The following KAT2A variants were observed in gnomAD, a reference collection of about 807,000 sequenced individuals.
KAT2A encodes lysine acetyltransferase 2A.
In KAT2A, 42 loss-of-function variants were observed where a neutral mutation model predicts 95.2. The ratio of observed to expected loss-of-function variants is 0.44; its 90% CI spans 0.34 to 0.57. KAT2A has a LOEUF of 0.57. Ranked by LOEUF, KAT2A falls within the 20% of genes least tolerant of loss-of-function variation. The pLI, the probability that KAT2A is intolerant of heterozygous loss-of-function variation, is 0.01. For missense variants in KAT2A, 784 were observed against 1,126.3 expected, an observed-to-expected ratio of 0.70 and a Z score of 4.35; for synonymous variants, 449 against 448.2, an observed-to-expected ratio of 1.00 and a Z score of -0.02.
chr17:42,116,913 A>C, intron 11 of KAT2A, 122 bp downstream of exon 11: 10 of 1,178,492 alleles, frequency 8.5e-6, no homozygotes, highest in Non-Finnish European at 1.2e-5. Flanking sequence ...GATGTGAGGA[A>C]CGGGCCGCTA....
rs2054271784 is a variant in KAT2A at position 42,117,221 on chromosome 17, T to C, written c.1638-60A>G. Reference sequence around the variant, plus strand: ...TGTCCCCTTCAGGTCCCCAGAGCCCTGGAAGTCTGAGCTGTAGTCAGGGTT... The same window carrying C: ...TGTCCCCTTCAGGTCCCCAGAGCCCCGGAAGTCTGAGCTGTAGTCAGGGTT... On this transcript the variant is annotated intron_variant, in intron 10 of 17. Transcript: ENST00000225916. The surrounding 1 kb of genome is among the most constrained non-coding windows in gnomAD (Gnocchi z 8.9). The C allele has an allele frequency of 5.0e-6, 8 of 1,603,836 alleles. No homozygotes were observed. In the Admixed American group the frequency reaches 1.2e-4, roughly 24 times the overall value.
chr17:42,114,583 G>A lies in KAT2A; in HGVS notation c.2041C>T (p.Arg681Cys), dbSNP rs199513433. Reference protein sequence around the residue: ...QKEIIKKLIERKQAQIRKVYP... With the variant: ...QKEIIKKLIECKQAQIRKVYP... ...ACCTTGCGGATCTGGGCCTGTTTGC[G>A]CTCAATCAGCTTCTTGATGATCTGA... The change falls in exon 14 of 18, where the codon CGC becomes TGC. Residue 681 changes from arginine (R) to cysteine (C), a missense_variant. Coordinates refer to ENST00000225916, the MANE Select transcript of KAT2A (RefSeq NM_021078.3). The surrounding 1 kb of genome is among the most constrained non-coding windows in gnomAD (Gnocchi z 6.0). 61 of 1,613,556 alleles carry A rather than the reference G, an allele frequency of 3.8e-5. No individual in the cohort carries two copies. The highest frequency in any genetic ancestry group is 5.0e-5 in the Admixed American group (3 of 59,972).
In KAT2A at chr17:42,119,747, C is replaced by T; in HGVS notation, c.700-29G>A. 6.4e-7 allele frequency: 1 copy of T among 1,569,076 alleles called. No individual in the cohort carries two copies. Among genetic ancestry groups the T allele is most frequent in the Non-Finnish European group, 8.7e-7 (1 of 1,155,548 alleles). ...AGAAGGGGTGGGTGGGGGATAAAAC[C>T]AGGAATGAGGTGTGAGCAGCCCGCA... On this transcript the variant is annotated intron_variant, in intron 4 of 17. Transcript: ENST00000225916. This position sits in a 1 kb window ranked among gnomAD's most constrained non-coding sequence, Gnocchi z 5.3.
chr17:42,116,423 T>C (rs1439817125), intron 11 of KAT2A, among the ~76,000 whole-genome samples: 2 of 152,230 alleles, frequency 1.3e-5, no homozygotes, highest in Non-Finnish European at 2.9e-5. Flanking sequence ...GCTACTGTAA[T>C]AATGATTAGT....
At chr17:42,118,472 G>GGACT in intron 6 of KAT2A, 69 bp from the exon 7 acceptor site, 1 of 1,103,978 alleles carries the variant, frequency 9.1e-7, no homozygotes, top group Non-Finnish European at 1.4e-6. Context: ...GGCAGCAGAG[G>GGACT]GACTGGAGGC....
rs535423819 is a variant in KAT2A, at chr17:42,113,822, G to A, written c.2341C>T (p.Arg781Trp). The A allele has an allele frequency of 6.3e-6, 10 of 1,597,148 alleles. No individual in the cohort carries two copies. The highest frequency in any genetic ancestry group is 1.4e-5 in the African/African-American group (1 of 73,742). The change falls in exon 18 of 18, where the codon CGG becomes TGG. Residue 781 changes from arginine (R) to tryptophan (W), a missense_variant. Around this residue, in one of 6 missense-constraint regions of KAT2A, gnomAD observed 195 missense variants for 247.1 expected, o/e 0.79. Coordinates refer to ENST00000225916, the MANE Select transcript of KAT2A (RefSeq NM_021078.3). The part of the protein sequence containing the change: ...FPIDLKTMTE[R>W]LRSRYYVTRK... The stretch of plus-strand genomic sequence containing the variant: ...GTCACGTAGTAGCGGCTTCGCAGCC[G>A]CTCAGTCATGGTCTTCAGGTCTGGG...
rs2054310575 is a variant in KAT2A, at chr17:42,119,833, C to A, written c.700-115G>T. On this transcript the variant is annotated intron_variant, in intron 4 of 17. Transcript: ENST00000225916. This position sits in a 1 kb window ranked among gnomAD's most constrained non-coding sequence, Gnocchi z 5.3. ...AGGGACAAGGTTCTCCTTCTCCTCT[C>A]TCTCTCGGGTGCTCTCTATAGAAAA... 9.7e-7 allele frequency: 1 copy of A among 1,030,868 alleles called. No individual in the cohort carries two copies. Among genetic ancestry groups the A allele is most frequent in the African/African-American group, 1.6e-5 (1 of 61,966 alleles). The allele number at this position is 1,030,868 out of a possible 1,614,324, so 63.9% of individuals were successfully genotyped here. A position where few individuals can be genotyped will look rare whatever the true frequency, so the allele number is the denominator to read the frequency against.
intron 12 of KAT2A, 48 bp downstream of exon 12, chr17:42,115,675 C>T (rs2054247547): frequency 5.0e-6 from 6 of 1,210,576 alleles, no homozygotes; most frequent in African/African-American, 1.5e-5. Flanking sequence ...GACAGAATTA[C>T]CCCAGCCTCC....
Position 42,114,639 on chromosome 17 carries a change from GC to G in KAT2A, c.2020-36del, listed in dbSNP as rs1176974134. 3 of 1,575,222 alleles carry G rather than the reference GC, an allele frequency of 1.9e-6. No individual in the cohort carries two copies. Among genetic ancestry groups the G allele is most frequent in the African/African-American group, 2.7e-5 (2 of 74,106 alleles). ...GGAAGGGACTGAGGGGCCAACTCCAGCCCCAACAACAACCCCTCCCAGGGCC... is the reference window on the plus strand; with the variant it reads ...GGAAGGGACTGAGGGGCCAACTCCAGCCCAACAACAACCCCTCCCAGGGCC... On this transcript the variant is annotated intron_variant, in intron 13 of 17. Transcript: ENST00000225916. This position sits in a 1 kb window ranked among gnomAD's most constrained non-coding sequence, Gnocchi z 6.0.
Position 42,120,233 on chromosome 17 carries a change from G to A in KAT2A, c.601C>T (p.Leu201Phe), listed in dbSNP as rs1555667021. The A allele has an allele frequency of 1.2e-6, 2 of 1,614,198 alleles. No homozygotes were observed. The highest frequency in any genetic ancestry group is 1.7e-6 in the Non-Finnish European group (2 of 1,180,020). The change falls in exon 3 of 18, where the codon CTC becomes TTC. Residue 201 changes from leucine (L) to phenylalanine (F), a missense_variant. This residue lies in a region of KAT2A where 208 missense variants were observed against 339.7 expected (regional missense o/e 0.61). Transcript: ENST00000225916. ...DTDTKQVYFY[L>F]FKLLRKCILQ... ...CTTTAGTGGAAGCTCACCTTGAAGA[G>A]GTAGAAATAGACCTGCTTGGTGTCT...
rs782557255 is a variant in KAT2A at position 42,113,839 on chromosome 17, A to C, written c.2324T>G (p.Leu775Arg). 1 of 1,582,078 alleles carries C rather than the reference A, an allele frequency of 6.3e-7. No individual in the cohort carries two copies. The highest frequency in any genetic ancestry group is 8.6e-7 in the Non-Finnish European group (1 of 1,166,356). ...TCGCAGCCGCTCAGTCATGGTCTTC[A>C]GGTCTGGGGCAGCAGGAGACGGAGC... ...YYEVIRFPID[L>R]KTMTERLRSR... The change falls in exon 18 of 18, where the codon CTG becomes CGG. Residue 775 changes from leucine (L) to arginine (R), a missense_variant. Leu to Arg is a moderately radical substitution (Grantham distance 102). Around this residue, in one of 6 missense-constraint regions of KAT2A, gnomAD observed 195 missense variants for 247.1 expected, o/e 0.79. Transcript: ENST00000225916.
At position 42,114,138 on chromosome 17, in the gene KAT2A, G is replaced by A; in HGVS notation, c.2236-54C>T. The A allele has an allele frequency of 1.3e-6, 2 of 1,575,514 alleles. No homozygotes were observed. The highest frequency in any genetic ancestry group is 1.7e-6 in the Non-Finnish European group (2 of 1,163,644). ...CCCTGCTGCGCCCACGCCAGCCCGAGACCACTACCCACCCCACACTGCATC... is the reference window on the plus strand; with the variant it reads ...CCCTGCTGCGCCCACGCCAGCCCGAAACCACTACCCACCCCACACTGCATC... On this transcript the variant is annotated intron_variant, in intron 16 of 17. Transcript: ENST00000225916. The surrounding 1 kb of genome is among the most constrained non-coding windows in gnomAD (Gnocchi z 6.0).
intron 2 of KAT2A, 101 bp downstream of exon 2, chr17:42,120,605 C>A: frequency 4.2e-6 from 6 of 1,417,066 alleles, no homozygotes; most frequent in Non-Finnish European, 5.8e-6. Context: ...TCCTTCGAGG[C>A]ATCTTTGATT....
intron 7 of KAT2A, 132 bp downstream of exon 7, chr17:42,118,165 G>T: frequency 1.2e-6 from 1 of 809,872 alleles, no homozygotes; most frequent in East Asian, 2.5e-5. Context: ...GCAGGGACTG[G>T]GGGGGCTGAA....
chr17:42,120,585 A>T (rs1348850366), intron 2 of KAT2A, 121 bp downstream of exon 2: 2 of 1,075,400 alleles, frequency 1.9e-6, no homozygotes, highest in Admixed American at 3.9e-5. Flanking sequence ...CCCCCCCCCA[A>T]CCCAATCCCT....
At position 42,114,810 on chromosome 17, in the gene KAT2A, T is replaced by C. The variant is rs879967549; in HGVS notation, c.2019+82A>G. 6.9e-7 allele frequency: 1 copy of C among 1,451,320 alleles called. No homozygotes were observed. The highest frequency in any genetic ancestry group is 1.4e-5 in the African/African-American group (1 of 71,816). The allele number at this position is 1,451,320 out of a possible 1,614,324, so 89.9% of individuals were successfully genotyped here. Reference sequence around the variant, plus strand: ...TCACACACATATATGCATGTAGACGTAGAACAGGTCTACACACGTGTGCTC... The same window carrying C: ...TCACACACATATATGCATGTAGACGCAGAACAGGTCTACACACGTGTGCTC... On this transcript the variant is annotated intron_variant, in intron 13 of 17. Transcript: ENST00000225916. This position sits in a 1 kb window ranked among gnomAD's most constrained non-coding sequence, Gnocchi z 6.0.
intron 11 of KAT2A, among the ~76,000 whole-genome samples, 169 bp downstream of exon 11, chr17:42,116,866 A>G (rs1213276265): frequency 6.6e-6 from 1 of 152,202 alleles, no homozygotes; most frequent in Non-Finnish European, 1.5e-5. Context: ...TGGTTTCCTA[A>G]TCCACAGTTA....
chr17:42,117,387 CG>C lies in KAT2A; in HGVS notation c.1637del (p.Pro546ArgfsTer8), dbSNP rs782094778. On this transcript the variant is annotated frameshift_variant and splice_region_variant, in exon 10 of 18. Coordinates refer to ENST00000225916, the MANE Select transcript of KAT2A (RefSeq NM_021078.3). LOFTEE classifies it high-confidence loss of function. The surrounding 1 kb of genome is among the most constrained non-coding windows in gnomAD (Gnocchi z 8.9). ...KEYIARLVFD[P>X]KHKTLALIKD... ...GGGGAGGGGCTCTCTGGGGGACGCACGGGTCAAAGACGAGGCGGGCGATATA... is the reference window on the plus strand; with the variant it reads ...GGGGAGGGGCTCTCTGGGGGACGCACGGTCAAAGACGAGGCGGGCGATATA... The C allele has an allele frequency of 1.2e-6, 2 of 1,613,076 alleles. No homozygotes were observed. The highest frequency in any genetic ancestry group is 1.7e-6 in the Non-Finnish European group (2 of 1,179,664).
intron 2 of KAT2A, 56 bp from the exon 3 acceptor site, chr17:42,120,426 C>T: frequency 6.3e-7 from 1 of 1,578,696 alleles, no homozygotes; most frequent in Non-Finnish European, 8.7e-7. Flanking sequence ...AACAAGGCTT[C>T]TTGACCCTCT....
Sources: allele counts gnomAD v4.1 joint callset (sites outside exome capture counted in the v4.1 genomes callset), GRCh38; gene constraint gnomAD v4.1.1; regional missense constraint gnomAD v4.1.1; non-coding constraint Gnocchi (gnomAD v3.1); transcripts MANE v1.5; gene names NCBI Gene and HGNC (gene_info 2026-07-23, HGNC 2026-07-21).